NOL4L: variants seen among roughly 807,000 people sequenced by gnomAD.
NOL4L encodes nucleolar protein 4 like.
NOL4L carries 7 observed loss-of-function variants against 64.5 expected under a neutral mutation model. That is an observed-to-expected ratio of 0.11 (90% CI 0.06 to 0.20). NOL4L has a LOEUF of 0.20. Among genes scored for constraint, NOL4L ranks in the 10% least tolerant of loss-of-function variants. The pLI is 1.00. For synonymous variants in NOL4L, 413 were observed against 401.0 expected (o/e 1.03, Z -0.36); for missense variants, 680 against 967.1 (o/e 0.70, Z 3.94).
chr20:32,552,714 T>C (rs1470913434), intron 1 of NOL4L, among the ~76,000 whole-genome samples: 1 of 146,500 alleles, frequency 6.8e-6, no homozygotes, highest in African/African-American at 2.5e-5. Context: ...AAACAACACC[T>C]TTTTCTGGCT....
rs2012352896 is a variant in NOL4L at position 32,446,824 on chromosome 20, T to TG, written c.*771dup. 4.8e-6 allele frequency: 1 copy of TG among 208,748 alleles called. No individual in the cohort carries two copies. Among genetic ancestry groups the TG allele is most frequent in the African/African-American group, 2.4e-5 (1 of 41,858 alleles). The allele number at this position is 208,748 out of a possible 1,614,324, so 12.9% of individuals were successfully genotyped here. A position where few individuals can be genotyped will look rare whatever the true frequency, so the allele number is the denominator to read the frequency against. ...AGGTAGAATACAGGTGACCATGGACTGGGGCTTCTGTAGAATGGGGTCGGG... is the reference window on the plus strand; with the variant it reads ...AGGTAGAATACAGGTGACCATGGACTGGGGGCTTCTGTAGAATGGGGTCGGG... On this transcript the variant is annotated 3_prime_UTR_variant, in exon 11 of 11. Transcript: ENST00000621426.
chr20:32,548,866 A>G (rs1247250852), intron 1 of NOL4L: 1 of 450,500 alleles, frequency 2.2e-6, no homozygotes. Context: ...TGGTACATCC[A>G]TAAAATTGAA....
At chr20:32,567,676 G>T (rs1312871143) in intron 1 of NOL4L, among the ~76,000 whole-genome samples, 1 of 152,166 alleles carries the variant, frequency 6.6e-6, no homozygotes, top group Non-Finnish European at 1.5e-5. Context: ...TGCTCACAGG[G>T]GCCCTTGGGC....
At chr20:32,475,683 G>A (rs1195739755) in intron 4 of NOL4L, among the ~76,000 whole-genome samples, 3 of 152,248 alleles carry the variant, frequency 2.0e-5, no homozygotes, top group South Asian at 2.1e-4. Flanking sequence ...TCCCACACCC[G>A]GAGTTCTGGC....
At position 32,445,391 on chromosome 20, in the gene NOL4L, GGGA is replaced by G. The variant is rs1375101462; in HGVS notation, c.*2202_*2204del. 3 of 152,220 alleles carry G rather than the reference GGGA, an allele frequency of 2.0e-5. No individual in the cohort carries two copies. Among genetic ancestry groups the G allele is most frequent in the Non-Finnish European group, 2.9e-5 (2 of 68,046 alleles). The allele number at this position is 152,220 out of a possible 1,614,324, so 9.4% of individuals were successfully genotyped here. ...CATGTCTAGCTTGGGTACTGCCTCT[GGGA>G]GGAGAAGTGACACGTTAAGTAACTG... On this transcript the variant is annotated 3_prime_UTR_variant, in exon 11 of 11. Transcript: ENST00000621426.
chr20:32,540,573 C>T (rs1383778828), intron 1 of NOL4L, among the ~76,000 whole-genome samples: 1 of 152,170 alleles, frequency 6.6e-6, no homozygotes, highest in Admixed American at 6.5e-5. Context: ...TCAACAAATC[C>T]TTTTTGAGGG....
chr20:32,500,754 A>G (rs967913668), intron 4 of NOL4L, among the ~76,000 whole-genome samples: 13 of 152,180 alleles, frequency 8.5e-5, no homozygotes, highest in East Asian at 5.8e-4. Context: ...CAAGAAACGA[A>G]CAAACAAAAA....
chr20:32,483,763 G>T (rs2015910101), intron 4 of NOL4L, among the ~76,000 whole-genome samples: 1 of 133,390 alleles, frequency 7.5e-6, no homozygotes, highest in African/African-American at 2.8e-5. Flanking sequence ...GGCACGGGGG[G>T]AAGGGGAGAG....
chr20:32,580,791 T>A (rs1015160794), intron 1 of NOL4L, among the ~76,000 whole-genome samples: 25 of 152,198 alleles, frequency 1.6e-4, no homozygotes, highest in Admixed American at 1.4e-3. Context: ...TGAGAACCTC[T>A]ATCTCTCCAC....
intron 4 of NOL4L, among the ~76,000 whole-genome samples, chr20:32,509,517 CAAAAAAAA>C (rs71338441): frequency 4.8e-5 from 3 of 62,844 alleles, no homozygotes; most frequent in Non-Finnish European, 9.9e-5. Context: ...GACTCTGCCT[CAAAAAAAA>C]AAAAAAAAAA....
intron 1 of NOL4L, among the ~76,000 whole-genome samples, chr20:32,529,731 C>A (rs549220072): frequency 6.6e-6 from 1 of 152,332 alleles, no homozygotes; most frequent in South Asian, 2.1e-4. Flanking sequence ...CTGGCCCCAA[C>A]AAGGCCCTCT....
At chr20:32,584,191 G>A (rs1390903807) in intron 1 of NOL4L, among the ~76,000 whole-genome samples, 3 of 149,494 alleles carry the variant, frequency 2.0e-5, no homozygotes, top group African/African-American at 7.4e-5. Context: ...GCCCGGGGGC[G>A]GGAGCGCGAG....
chr20:32,537,999 G>A (rs1319912569), intron 1 of NOL4L, among the ~76,000 whole-genome samples: 2 of 152,046 alleles, frequency 1.3e-5, no homozygotes, highest in Non-Finnish European at 2.9e-5. Flanking sequence ...GGCTGGTCTC[G>A]AACTCCTGGC....
chr20:32,492,990 G>C (rs2016526878), intron 4 of NOL4L, among the ~76,000 whole-genome samples: 2 of 152,070 alleles, frequency 1.3e-5, no homozygotes, highest in African/African-American at 4.8e-5. Context: ...AGCAGAGCAG[G>C]AGGAATCCAC....
intron 4 of NOL4L, among the ~76,000 whole-genome samples, chr20:32,482,961 A>G (rs1408475380): frequency 6.6e-6 from 1 of 150,502 alleles, no homozygotes; most frequent in Non-Finnish European, 1.5e-5. Context: ...CCGTGGCACA[A>G]TACCGCGGCG....
chr20:32,514,783 G>A (rs144547788), intron 3 of NOL4L, among the ~76,000 whole-genome samples: 82 of 152,220 alleles, frequency 5.4e-4, no homozygotes, highest in African/African-American at 1.8e-3. Context: ...CAGAAGAGCC[G>A]TGGGTCCTGT....
chr20:32,549,313 A>C (rs543270942), intron 1 of NOL4L, among the ~76,000 whole-genome samples: 2 of 152,212 alleles, frequency 1.3e-5, no homozygotes, highest in African/African-American at 4.8e-5. Context: ...ATCTGAATAG[A>C]TATTTCTTCA....
Position 32,443,357 on chromosome 20 carries a change from A to G in NOL4L, c.*4239T>C, listed in dbSNP as rs1490970380. The G allele has an allele frequency of 6.6e-6, 1 of 152,242 alleles. No individual in the cohort carries two copies. The highest frequency in any genetic ancestry group is 1.5e-5 in the Non-Finnish European group (1 of 68,044). The allele number at this position is 152,242 out of a possible 1,614,324, so 9.4% of individuals were successfully genotyped here. ...GGTAAAACTCACTATATAGAACACA[A>G]ATAATTTTTATAGAGAGCATTGAGG... On this transcript the variant is annotated 3_prime_UTR_variant, in exon 11 of 11. Coordinates refer to ENST00000621426, the MANE Select transcript of NOL4L (RefSeq NM_001256798.2).
intron 4 of NOL4L, among the ~76,000 whole-genome samples, chr20:32,496,983 C>T (rs1382369196): frequency 1.4e-5 from 2 of 144,294 alleles, no homozygotes; most frequent in African/African-American, 2.6e-5. Context: ...TGCCGGGATC[C>T]ACACCCAGTC....
Sources: allele counts gnomAD v4.1 joint callset (sites outside exome capture counted in the v4.1 genomes callset), GRCh38; gene constraint gnomAD v4.1.1; transcripts MANE v1.5; gene names NCBI Gene and HGNC (gene_info 2026-07-23, HGNC 2026-07-21).